The following WDR12 variants were observed in gnomAD, a reference collection of about 807,000 sequenced individuals.
WDR12 encodes the protein ribosome biogenesis protein WDR12.
In WDR12, 42 loss-of-function variants were observed where a neutral mutation model predicts 64.3. That is an observed-to-expected ratio of 0.65 (90% CI 0.51 to 0.84). The LOEUF is 0.84. Among genes scored for constraint, WDR12 ranks in the 40% least tolerant of loss-of-function variants. WDR12 has a pLI of 0.00. For synonymous variants in WDR12, 158 were observed against 173.3 expected, an observed-to-expected ratio of 0.91 and a Z score of 0.70; for missense variants, 469 against 494.6, an observed-to-expected ratio of 0.95 and a Z score of 0.49.
chr2:202,881,998 C>T (rs781194754), intron 12 of WDR12, among the ~76,000 whole-genome samples: 4 of 152,018 alleles, frequency 2.6e-5, no homozygotes, highest in African/African-American at 9.7e-5. Flanking sequence ...TGCAGTGGCG[C>T]GATCATAGTT....
At chr2:202,899,284 T>TCCACCCTCCTCGGCCTC in intron 4 of WDR12, among the ~76,000 whole-genome samples, 1 of 152,104 alleles carries the variant, frequency 6.6e-6, no homozygotes, top group South Asian at 2.1e-4. Flanking sequence ...AACCTCGTAA[T>TCCACCCTCCTCGGCCTC]CCACCCTCCT....
At chr2:202,895,469 G>A (rs1688220374) in intron 6 of WDR12, among the ~76,000 whole-genome samples, 1 of 151,214 alleles carries the variant, frequency 6.6e-6, no homozygotes, top group Non-Finnish European at 1.5e-5. Context: ...CAATTACTAT[G>A]AGGTAAGAAG....
At position 202,882,800 on chromosome 2, in the gene WDR12, T is replaced by C; in HGVS notation, c.1122-17A>G. On this transcript the variant is annotated splice_polypyrimidine_tract_variant and intron_variant, in intron 11 of 12. Transcript: ENST00000261015. The stretch of plus-strand genomic sequence containing the variant: ...GCCTTACAACTAAAAGATGAAAATA[T>C]TAACATATTATATGCATTCACAGTG... 1 of 1,609,978 alleles carries C rather than the reference T, an allele frequency of 6.2e-7. No individual in the cohort carries two copies. The highest frequency in any genetic ancestry group is 8.5e-7 in the Non-Finnish European group (1 of 1,176,380).
rs1304361773 is a variant in WDR12 at position 202,911,493 on chromosome 2, G to C, written c.-17C>G. 6.2e-7 allele frequency: 1 copy of C among 1,613,680 alleles called. No individual in the cohort carries two copies. The highest frequency in any genetic ancestry group is 8.5e-7 in the Non-Finnish European group (1 of 1,179,654). ...CTGAGCCATGGCGAGGAGTACACACGACTTGCCCACGGAAACGTACGGGTT... is the reference window on the plus strand; with the variant it reads ...CTGAGCCATGGCGAGGAGTACACACCACTTGCCCACGGAAACGTACGGGTT... On this transcript the variant is annotated 5_prime_UTR_variant, in exon 1 of 13. Coordinates refer to ENST00000261015, the MANE Select transcript of WDR12 (RefSeq NM_018256.4).
intron 2 of WDR12, 91 bp downstream of exon 2, chr2:202,907,774 C>A: frequency 1.0e-6 from 1 of 964,832 alleles, no homozygotes; most frequent in Non-Finnish European, 1.6e-6. Flanking sequence ...AAAATTCATA[C>A]AGTATCATAA....
chr2:202,891,797 T>TA (rs1219674687), intron 8 of WDR12, among the ~76,000 whole-genome samples: 1 of 152,190 alleles, frequency 6.6e-6, no homozygotes, highest in East Asian at 1.9e-4. Flanking sequence ...AGTATATAAA[T>TA]ACAGGTCAGG....
At chr2:202,884,334 T>C (rs1251580394) in intron 9 of WDR12, 31 bp from the exon 10 acceptor site, 5 of 1,613,554 alleles carry the variant, frequency 3.1e-6, no homozygotes, top group East Asian at 2.2e-5. Flanking sequence ...ACATTAACCA[T>C]GGTAGACTAA....
At position 202,883,608 on chromosome 2, in the gene WDR12, CCTTCT is replaced by C. The variant is rs1277073701; in HGVS notation, c.1117_1121del (p.Arg373LeufsTer2). The C allele has an allele frequency of 5.0e-6, 8 of 1,613,070 alleles. No individual in the cohort carries two copies. The highest frequency in any genetic ancestry group is 6.8e-6 in the Non-Finnish European group (8 of 1,179,582). On this transcript the variant is annotated frameshift_variant and splice_region_variant, in exon 11 of 13. Transcript: ENST00000261015. LOFTEE classifies it high-confidence loss of function. ...TCTTATAGATCATAAATAGAATTTA[CCTTCT>C]TGTATCCCACAGCTTAACAATGTTA...
rs1056740837 is a variant in WDR12, at chr2:202,878,649, G to A, written c.*2211C>T. The A allele has an allele frequency of 6.6e-6, 1 of 152,174 alleles. No individual in the cohort carries two copies. Among genetic ancestry groups the A allele is most frequent in the African/African-American group, 2.4e-5 (1 of 41,430 alleles). 9.4% of individuals were successfully genotyped at this position (152,174 alleles called of 1,614,324 possible). Reference sequence around the variant, plus strand: ...TGGACTGCCTCTGGTTTTCTACAGAGAACTAAACTCCTAACTGGTTCAATA... The same window carrying A: ...TGGACTGCCTCTGGTTTTCTACAGAAAACTAAACTCCTAACTGGTTCAATA... On this transcript the variant is annotated 3_prime_UTR_variant, in exon 13 of 13. Transcript: ENST00000261015.
rs1470298624 is a variant in WDR12 at position 202,884,676 on chromosome 2, A to G, written c.742-141T>C. 7.4e-6 allele frequency: 6 copies of G among 815,796 alleles called. No individual in the cohort carries two copies. The East Asian group carries it at 1.7e-4, about 24-fold the overall frequency. 50.5% of individuals were successfully genotyped at this position (815,796 alleles called of 1,614,324 possible). A position where few individuals can be genotyped will look rare whatever the true frequency, so the allele number is the denominator to read the frequency against. ...TATCCTGACTTATTTCTTCCTTTAC[A>G]ATGGAATGGATATTTCTGTTTTTAT... is the stretch of plus-strand genomic sequence containing the variant. On this transcript the variant is annotated intron_variant, in intron 8 of 12. Coordinates refer to ENST00000261015, the MANE Select transcript of WDR12 (RefSeq NM_018256.4).
chr2:202,891,885 A>T (rs952386095), intron 8 of WDR12, among the ~76,000 whole-genome samples: 3 of 152,224 alleles, frequency 2.0e-5, no homozygotes, highest in Non-Finnish European at 4.4e-5. Context: ...AGCACAGAGT[A>T]CAACAGTGGT....
At chr2:202,882,881 A>G in intron 11 of WDR12, 98 bp from the exon 12 acceptor site, 2 of 1,202,434 alleles carry the variant, frequency 1.7e-6, no homozygotes. Flanking sequence ...TACAGGGTTT[A>G]CCAACCTTGC....
chr2:202,907,608 A>C (rs923383089), intron 2 of WDR12, among the ~76,000 whole-genome samples: 1 of 152,214 alleles, frequency 6.6e-6, no homozygotes, highest in Non-Finnish European at 1.5e-5. Context: ...TTATACCAAA[A>C]TCTTTATTCC....
intron 1 of WDR12, among the ~76,000 whole-genome samples, chr2:202,910,252 G>A (rs1469187704): frequency 6.6e-6 from 1 of 152,182 alleles, no homozygotes; most frequent in Non-Finnish European, 1.5e-5. Context: ...GCTGGACGCA[G>A]TGGGTCATGC....
At chr2:202,897,138 T>C (rs1005573191) in intron 5 of WDR12, among the ~76,000 whole-genome samples, 162 bp downstream of exon 5, 7 of 152,204 alleles carry the variant, frequency 4.6e-5, no homozygotes, top group African/African-American at 1.4e-4. Flanking sequence ...GAATTTTTTA[T>C]ATAATCTTTT....
intron 7 of WDR12, 127 bp downstream of exon 7, chr2:202,894,454 T>C: frequency 1.4e-6 from 1 of 720,648 alleles, no homozygotes; most frequent in South Asian, 2.2e-5. Flanking sequence ...ACTCGTGGCC[T>C]CAAGTGATCC....
intron 8 of WDR12, among the ~76,000 whole-genome samples, chr2:202,889,751 T>A (rs10185482): frequency 0.96 from 143,120 of 149,154 alleles, 68,623 homozygotes; most frequent in Middle Eastern, 0.98. Context: ...CCCATCTCTT[T>A]AAAAAAAAAA....
intron 2 of WDR12, among the ~76,000 whole-genome samples, chr2:202,903,499 GGA>G (rs1688392340): frequency 8.8e-6 from 1 of 113,266 alleles, no homozygotes; most frequent in Admixed American, 8.8e-5. Context: ...AAGGAAGGAA[GGA>G]AGTGAGGGAG....
rs747673632 is a variant in WDR12, at chr2:202,903,034, G to A, written c.137-1915C>T. On this transcript the variant is annotated intron_variant, in intron 2 of 12. Coordinates refer to ENST00000261015, the MANE Select transcript of WDR12 (RefSeq NM_018256.4). ...GTGGAGGTTGCAGTGAGCCGAGATC[G>A]TGCCACTGCACTCCAGCCTGGGCGA... 5.9e-5 allele frequency among the ~76,000 whole-genome samples: 9 copies of A among 152,128 alleles called. No homozygotes were observed. The South Asian group carries it at 6.2e-4, about 11-fold the overall frequency.
Sources: gnomAD v4.1 joint callset for allele counts (sites outside exome capture counted in the v4.1 genomes callset) on GRCh38, gnomAD v4.1.1 for gene constraint, MANE v1.5 for transcripts, NCBI Gene and HGNC (gene_info 2026-07-23, HGNC 2026-07-21) for gene names.